The following LINS1 variants were observed in gnomAD, a reference collection of about 807,000 sequenced individuals.
LINS1 encodes lines homolog 1, also known as protein Lines homolog 1.
In LINS1, 27 loss-of-function variants were observed where a neutral mutation model predicts 41.6. The observed-to-expected ratio is 0.65, with a 90% CI of 0.48 to 0.89. The LOEUF is 0.89. Ranked by LOEUF, LINS1 falls within the 40% of genes least tolerant of loss-of-function variation. LINS1 has a pLI of 0.00. For synonymous variants in LINS1, 336 were observed against 312.9 expected (o/e 1.07, Z -0.78); for missense variants, 955 against 884.1 (o/e 1.08, Z -1.02).
At position 100,573,884 on chromosome 15, in the gene LINS1, A is replaced by G; in HGVS notation, c.989T>C (p.Val330Ala). The change falls in exon 5 of 7, where the codon GTA (valine) becomes GCA (alanine). Residue 330 changes from valine (V) to alanine (A), a missense_variant. Physicochemically the swap from Val to Ala is moderately conservative, Grantham distance 64. Transcript: ENST00000314742. ...AGCTAAAGCCAGCATGTCCACCGCT[A>G]CATGATGGTCTGGCGGCATTAAGGC... is the stretch of plus-strand genomic sequence containing the variant. The part of the protein sequence containing the change: ...VPALMPPDHH[V>A]AVDMLALANA... The G allele has an allele frequency of 6.2e-7, 1 of 1,614,258 alleles. No homozygotes were observed. The highest frequency in any genetic ancestry group is 8.5e-7 in the Non-Finnish European group (1 of 1,180,044).
At position 100,574,210 on chromosome 15, in the gene LINS1, G is replaced by A. The variant is rs200665417; in HGVS notation, c.663C>T (p.Asp221=). The change falls in exon 5 of 7, where the codon GAC becomes GAT. Residue 221 remains aspartate, a synonymous_variant. Coordinates refer to ENST00000314742, the MANE Select transcript of LINS1 (RefSeq NM_001040616.3). ...AATTGTAAAACACTTCAAAAATGGTGTCGAAATGAGTCAGGAACTGCTTTA... is the reference window on the plus strand; with the variant it reads ...AATTGTAAAACACTTCAAAAATGGTATCGAAATGAGTCAGGAACTGCTTTA... ...EILKQFLTHF[D]TIFEVFYNSL... is the part of the protein sequence containing the mutation. The A allele has an allele frequency of 1.5e-5, 24 of 1,611,490 alleles. No individual in the cohort carries two copies. In the East Asian group the frequency reaches 3.1e-4, roughly 21 times the overall value.
Position 100,570,004 on chromosome 15 carries a change from C to A in LINS1, c.1508G>T (p.Gly503Val). ...GTCAAGAAGAACTGTGGAATCAAAT[C>A]CTATATTTTTCAAGAAGAACAAGAA... ...CIFLFFLKNI[G>V]FDSTVLLDFL... The change falls in exon 7 of 7, where the codon GGA becomes GTA. Residue 503 changes from glycine to valine, a missense_variant. By Grantham distance (109) the Gly-to-Val change is moderately radical (BLOSUM62 -3). Coordinates refer to ENST00000314742, the MANE Select transcript of LINS1 (RefSeq NM_001040616.3). 1.3e-6 allele frequency: 2 copies of A among 1,556,696 alleles called. No individual in the cohort carries two copies. Among genetic ancestry groups the A allele is most frequent in the East Asian group, 2.3e-5 (1 of 44,376 alleles).
Position 100,569,142 on chromosome 15 carries a change from A to G in LINS1, c.*96T>C, listed in dbSNP as rs1452243208. The G allele has an allele frequency of 6.2e-6, 5 of 802,110 alleles. No individual in the cohort carries two copies. The highest frequency in any genetic ancestry group is 7.9e-6 in the Non-Finnish European group (4 of 505,824). The allele number at this position is 802,110 out of a possible 1,614,324, so 49.7% of individuals were successfully genotyped here. On this transcript the variant is annotated 3_prime_UTR_variant, in exon 7 of 7. Coordinates refer to ENST00000314742, the MANE Select transcript of LINS1 (RefSeq NM_001040616.3). ...TGTCTCAAAAAAAAAAAAAAAAAAGAAAACCCTTTTATGGTGATGATTTTA... is the reference window on the plus strand; with the variant it reads ...TGTCTCAAAAAAAAAAAAAAAAAAGGAAACCCTTTTATGGTGATGATTTTA...
rs1381425841 is a variant in LINS1, at chr15:100,575,126, T to C, written c.492A>G (p.Ile164Met). ...LLLYFQLREK[I>M]TLSNSWIAFC... ...AAGCAATCCAGGAATTACTTAAGGTTATCTACAAGTGAGAAAATAAAGCAA... is the reference window on the plus strand; with the variant it reads ...AAGCAATCCAGGAATTACTTAAGGTCATCTACAAGTGAGAAAATAAAGCAA... Residue 164 changes from isoleucine to methionine, a missense_variant and splice_region_variant, in exon 4 of 7, where the codon ATA becomes ATG. Physicochemically the swap from Ile to Met is conservative, Grantham distance 10. Transcript: ENST00000314742. The C allele has an allele frequency of 2.5e-6, 4 of 1,610,262 alleles. No homozygotes were observed.
intron 3 of LINS1, among the ~76,000 whole-genome samples, chr15:100,577,097 TTCCCTTTGAAAA>T (rs2038230759): frequency 6.6e-6 from 1 of 152,326 alleles, no homozygotes; most frequent in South Asian, 2.1e-4. Context: ...ACTGGAAGCA[TTCCCTTTGAAAA>T]CTGGCACAAG....
intron 1 of LINS1, among the ~76,000 whole-genome samples, chr15:100,588,560 T>A (rs1292357108): frequency 2.6e-5 from 4 of 152,220 alleles, no homozygotes; most frequent in Admixed American, 2.6e-4. Flanking sequence ...AATGTAAACA[T>A]TTGGTCTAAA....
chr15:100,573,624 G>T (rs1399528835), intron 5 of LINS1, 27 bp downstream of exon 5: 2 of 1,307,862 alleles, frequency 1.5e-6, no homozygotes, highest in Non-Finnish European at 2.2e-6. Flanking sequence ...ATTACACACT[G>T]CATACAAAAG....
At position 100,575,059 on chromosome 15, in the gene LINS1, CTT is replaced by C. The variant is rs747412555; in HGVS notation, c.557_558del (p.Lys186SerfsTer17). 24 of 1,612,360 alleles carry C rather than the reference CTT, an allele frequency of 1.5e-5. No individual in the cohort carries two copies. Among genetic ancestry groups the C allele is most frequent in the Non-Finnish European group, 2.0e-5 (24 of 1,179,106 alleles). On this transcript the variant is annotated frameshift_variant, in exon 4 of 7. Coordinates refer to ENST00000314742, the MANE Select transcript of LINS1 (RefSeq NM_001040616.3). LOFTEE classifies it high-confidence loss of function. ...KNLSEYSESN[K>X]AIYCLWTLTA... ...GTAAGAGTCCAGAGGCAGTATATTG[CTT>C]TATTACTCTCAGAGTATTCAGAAAG... is the stretch of plus-strand genomic sequence containing the variant.
rs750620922 is a variant in LINS1, at chr15:100,580,699, T to C, written c.144A>G (p.Glu48=). 1 of 1,613,444 alleles carries C rather than the reference T, an allele frequency of 6.2e-7. No individual in the cohort carries two copies. The highest frequency in any genetic ancestry group is 8.5e-7 in the Non-Finnish European group (1 of 1,179,654). The change falls in exon 2 of 7, where the codon GAA becomes GAG. Residue 48 remains glutamate (E), a synonymous_variant. Transcript: ENST00000314742. Reference sequence around the variant, plus strand: ...CCTGGATACCACAGGTGTTTGCCCATTCTAAGGAGGTGGCTGTAGAACAAT... The same window carrying C: ...CCTGGATACCACAGGTGTTTGCCCACTCTAAGGAGGTGGCTGTAGAACAAT... ...DQDCSTATSL[E]WANTCGIQGR... is the part of the protein sequence containing the mutation.
intron 1 of LINS1, among the ~76,000 whole-genome samples, chr15:100,592,610 T>C (rs925232300): frequency 3.3e-5 from 5 of 152,202 alleles, no homozygotes; most frequent in Non-Finnish European, 5.9e-5. Context: ...ACACTGCCTT[T>C]TACCTTTAGT....
chr15:100,571,093 T>C (rs1368579368), intron 6 of LINS1, among the ~76,000 whole-genome samples: 1 of 152,220 alleles, frequency 6.6e-6, no homozygotes, highest in African/African-American at 2.4e-5. Context: ...TTTTGTGTTC[T>C]TGATTAGGAC....
intron 1 of LINS1, among the ~76,000 whole-genome samples, chr15:100,600,510 G>A (rs76361074): frequency 0.059 from 6,413 of 107,994 alleles, 171 homozygotes; most frequent in Middle Eastern, 0.21. Flanking sequence ...ATAAAATACC[G>A]CTTTTATTTT....
At chr15:100,572,830 T>G (rs2037907933) in intron 5 of LINS1, 3 of 864,760 alleles carry the variant, frequency 3.5e-6, no homozygotes, top group African/African-American at 3.6e-5. Context: ...TCAATATAAC[T>G]TCTCATATAT....
chr15:100,598,868 C>A (rs1360225063), intron 1 of LINS1, among the ~76,000 whole-genome samples: 2 of 152,282 alleles, frequency 1.3e-5, no homozygotes, highest in Middle Eastern at 3.4e-3. Context: ...TAGAGCATAA[C>A]CTGCTCATTC....
In LINS1 at chr15:100,573,544, A is replaced by G. The variant is rs138347397; in HGVS notation, c.1222+107T>C. Reference sequence around the variant, plus strand: ...ATAAGTTACAAATAGGATAACATACAGCTTAAATTACTGGAATTTAAACTA... The same window carrying G: ...ATAAGTTACAAATAGGATAACATACGGCTTAAATTACTGGAATTTAAACTA... On this transcript the variant is annotated intron_variant, in intron 5 of 6. Coordinates refer to ENST00000314742, the MANE Select transcript of LINS1 (RefSeq NM_001040616.3). 4.9e-3 allele frequency: 4,126 copies of G among 836,564 alleles called. 17 individuals carry two copies. The highest frequency in any genetic ancestry group is 7.2e-3 in the African/African-American group (420 of 58,152). 51.8% of individuals were successfully genotyped at this position (836,564 alleles called of 1,614,324 possible). A position where few individuals can be genotyped will look rare whatever the true frequency, so the allele number is the denominator to read the frequency against.
intron 1 of LINS1, among the ~76,000 whole-genome samples, chr15:100,581,298 G>C (rs1490409346): frequency 6.6e-6 from 1 of 152,124 alleles, no homozygotes; most frequent in Non-Finnish European, 1.5e-5. Context: ...TAAGATGTTT[G>C]GCAGCATTCC....
chr15:100,577,547 T>G lies in LINS1; in HGVS notation c.490-2419A>C, dbSNP rs1403208499. On this transcript the variant is annotated intron_variant, in intron 3 of 6. Transcript: ENST00000314742. ...GAGGACACAAACAAATGGAAGAACA[T>G]TCCATGCTCATGGATAGGAAGAATC... Among the ~76,000 whole-genome samples, 3 of 152,160 alleles carry G rather than the reference T, an allele frequency of 2.0e-5. No individual in the cohort carries two copies. In the South Asian group the frequency reaches 6.2e-4, roughly 32 times the overall value.
At chr15:100,587,961 C>G (rs1294383128) in intron 1 of LINS1, among the ~76,000 whole-genome samples, 1 of 152,208 alleles carries the variant, frequency 6.6e-6, no homozygotes, top group African/African-American at 2.4e-5. Context: ...GCCCAGAAAT[C>G]TGGCATGCCG....
At position 100,570,097 on chromosome 15, in the gene LINS1, CT is replaced by C. The variant is rs753665240; in HGVS notation, c.1414del (p.Ser472AlafsTer2). The C allele has an allele frequency of 2.5e-6, 4 of 1,584,746 alleles. No individual in the cohort carries two copies. The highest frequency in any genetic ancestry group is 3.4e-6 in the Non-Finnish European group (4 of 1,173,230). On this transcript the variant is annotated frameshift_variant, in exon 7 of 7. Coordinates refer to ENST00000314742, the MANE Select transcript of LINS1 (RefSeq NM_001040616.3). LOFTEE classifies it low-confidence loss of function (END_TRUNC). ...TLTRGCEATE[S>X]LTQGKEMWDH... ...CCACATTTCTTTTCCCTGAGTCAAGCTTTCAGTGGCTTCACATCCTCTGAAA... is the reference window on the plus strand; with the variant it reads ...CCACATTTCTTTTCCCTGAGTCAAGCTTCAGTGGCTTCACATCCTCTGAAA...
Sources: gnomAD v4.1 joint callset for allele counts (sites outside exome capture counted in the v4.1 genomes callset) on GRCh38, gnomAD v4.1.1 for gene constraint, MANE v1.5 for transcripts, NCBI Gene and HGNC (gene_info 2026-07-23, HGNC 2026-07-21) for gene names.